FRAS1: variants seen among roughly 807,000 people sequenced by gnomAD.
The protein encoded by FRAS1 is extracellular matrix organizing protein FRAS1.
Under a neutral mutation model 435.2 loss-of-function variants are expected in FRAS1, and 290 were observed. The observed-to-expected ratio is 0.67, with a 90% CI of 0.61 to 0.73. The LOEUF (loss-of-function observed/expected upper bound fraction) is 0.73. FRAS1 is among the 30% of genes least tolerant of loss of function. The pLI is 0.00. For synonymous variants in FRAS1, 1,800 were observed against 1,851.0 expected (o/e 0.97, Z 0.71); for missense variants, 4,860 against 5,001.5 (o/e 0.97, Z 0.85).
Position 78,479,589 on chromosome 4 carries a change from G to A in FRAS1, c.8314G>A (p.Ala2772Thr). 1 of 1,613,974 alleles carries A rather than the reference G, an allele frequency of 6.2e-7. No individual in the cohort carries two copies. Residue 2772 changes from alanine to threonine, a missense_variant, in exon 56 of 74, where the codon GCC (alanine) becomes ACC (threonine). By Grantham distance (58) the Ala-to-Thr change is moderately conservative. Transcript: ENST00000512123. Reference protein sequence around the residue: ...EYEEEEEFEIALADASDNARI... With the variant: ...EYEEEEEFEITLADASDNARI... ...TGAAGAGGAAGAAGAGTTTGAGATT[G>A]CCTTGGCAGATGCCTCTGACAATGC...
chr4:78,438,819 C>T, intron 39 of FRAS1, 83 bp from the exon 40 acceptor site: 5 of 1,492,764 alleles, frequency 3.3e-6, no homozygotes, highest in Non-Finnish European at 4.6e-6. Context: ...ATTGGTTTGG[C>T]CCCATTTTTA....
At chr4:78,195,963 A>G (rs1253399977) in intron 2 of FRAS1, among the ~76,000 whole-genome samples, 2 of 125,858 alleles carry the variant, frequency 1.6e-5, no homozygotes, top group East Asian at 2.3e-4. Context: ...TTTTTTTTTT[A>G]CTTTTTTTTA....
At chr4:78,462,952 G>A (rs185793377) in intron 47 of FRAS1, among the ~76,000 whole-genome samples, 5 of 152,236 alleles carry the variant, frequency 3.3e-5, no homozygotes, top group African/African-American at 1.2e-4. Flanking sequence ...ATGAGTCAAT[G>A]TAGAATCTTT....
intron 23 of FRAS1, 102 bp downstream of exon 23, chr4:78,370,086 A>G (rs1380667401): frequency 9.0e-7 from 1 of 1,107,026 alleles, no homozygotes; most frequent in Non-Finnish European, 1.3e-6. Flanking sequence ...GTCATCATAT[A>G]TTTTGACTGT....
At chr4:78,480,067 C>T (rs969026534) in intron 56 of FRAS1, among the ~76,000 whole-genome samples, 46 of 152,208 alleles carry the variant, frequency 3.0e-4, no homozygotes, top group Middle Eastern at 3.4e-3. Context: ...AGCATTTATC[C>T]TTTGTGTTAT....
intron 19 of FRAS1, among the ~76,000 whole-genome samples, chr4:78,335,901 TG>T (rs1176748448): frequency 1.7e-5 from 2 of 120,402 alleles, no homozygotes; most frequent in African/African-American, 6.2e-5. Context: ...CCGTGTGTGG[TG>T]GTTTTTTTTT....
intron 2 of FRAS1, among the ~76,000 whole-genome samples, chr4:78,212,370 A>T (rs1410337720): frequency 2.0e-5 from 3 of 152,086 alleles, no homozygotes; most frequent in East Asian, 3.9e-4. Flanking sequence ...GAAGATGTGG[A>T]CTATGCATGT....
intron 9 of FRAS1, among the ~76,000 whole-genome samples, chr4:78,269,922 G>A (rs1225708359): frequency 6.6e-6 from 1 of 152,180 alleles, no homozygotes; most frequent in Admixed American, 6.5e-5. Context: ...CTGCTCCAGT[G>A]GAGGCAGTTT....
At chr4:78,240,147 T>C (rs1724939461) in intron 3 of FRAS1, among the ~76,000 whole-genome samples, 1 of 152,142 alleles carries the variant, frequency 6.6e-6, no homozygotes, top group African/African-American at 2.4e-5. Flanking sequence ...TATGCTGTAG[T>C]ATGGAGTTTG....
intron 2 of FRAS1, among the ~76,000 whole-genome samples, chr4:78,159,762 T>A (rs1721057757): frequency 6.6e-6 from 1 of 152,086 alleles, no homozygotes; most frequent in Non-Finnish European, 1.5e-5. Context: ...GTGCCTATAA[T>A]CCCAGCTACT....
At position 78,522,679 on chromosome 4, in the gene FRAS1, CA is replaced by C; in HGVS notation, c.10680del (p.Glu3561LysfsTer2). 1 of 1,608,280 alleles carries C rather than the reference CA, an allele frequency of 6.2e-7. No homozygotes were observed. Among genetic ancestry groups the C allele is most frequent in the Non-Finnish European group, 8.5e-7 (1 of 1,176,984 alleles). ...TTTGTGATGGAGCATCACACTCTCC[CA>C]GAAGTGAAATCTTTCGTATTGACTC... ...GQFVMEHHTL[P>X]EVKSFVLTPD... On this transcript the variant is annotated frameshift_variant, in exon 69 of 74. Transcript: ENST00000512123. LOFTEE classifies it high-confidence loss of function.
intron 29 of FRAS1, 81 bp from the exon 30 acceptor site, chr4:78,400,653 G>C: frequency 7.3e-7 from 1 of 1,375,052 alleles, no homozygotes; most frequent in Non-Finnish European, 1.0e-6. Context: ...AACAACAACA[G>C]AACTGGATAA....
chr4:78,277,929 A>C lies in FRAS1; in HGVS notation c.982-726A>C, dbSNP rs1041292018. On this transcript the variant is annotated intron_variant, in intron 9 of 73. Coordinates refer to ENST00000512123, the MANE Select transcript of FRAS1 (RefSeq NM_025074.7). ...CTGGTTCACACCATTCTCCTGCCTC[A>C]GCCTCCTGAGTAGCTGGGACTACAG... 3.3e-5 allele frequency among the ~76,000 whole-genome samples: 5 copies of C among 151,934 alleles called. No homozygotes were observed. The South Asian group carries it at 1.0e-3, about 32-fold the overall frequency.
rs556250117 is a variant in FRAS1 at position 78,407,293 on chromosome 4, T to C, written c.4130-370T>C. On this transcript the variant is annotated intron_variant, in intron 30 of 73. Coordinates refer to ENST00000512123, the MANE Select transcript of FRAS1 (RefSeq NM_025074.7). ...TTCCTGGCTGGAAAACATTTTCTGTTACATAGAAAGTTGTGCATAGAAATG... is the reference window on the plus strand; with the variant it reads ...TTCCTGGCTGGAAAACATTTTCTGTCACATAGAAAGTTGTGCATAGAAATG... Among the ~76,000 whole-genome samples, 107 of 152,346 alleles carry C rather than the reference T, an allele frequency of 7.0e-4. 1 individual carries two copies. The Middle Eastern group carries it at 0.024, about 34-fold the overall frequency.
At chr4:78,207,793 A>T (rs1030140102) in intron 2 of FRAS1, among the ~76,000 whole-genome samples, 2 of 152,148 alleles carry the variant, frequency 1.3e-5, no homozygotes, top group African/African-American at 4.8e-5. Context: ...TTGCAGGGTG[A>T]GTAAATACAT....
chr4:78,325,152 G>T (rs2110246844), intron 18 of FRAS1, among the ~76,000 whole-genome samples: 1 of 152,270 alleles, frequency 6.6e-6, no homozygotes, highest in Admixed American at 6.5e-5. Context: ...TTTGGTCAGG[G>T]ATTTATCAGG....
intron 27 of FRAS1, among the ~76,000 whole-genome samples, chr4:78,383,705 A>T (rs536015108): frequency 6.6e-6 from 1 of 152,322 alleles, no homozygotes; most frequent in East Asian, 1.9e-4. Context: ...ACTATAAAAG[A>T]TTCCTTTCAA....
chr4:78,331,479 A>G lies in FRAS1; in HGVS notation c.2138-1793A>G, dbSNP rs1729948057. ...GTCATATACCAACCTGCATGGAAGT[A>G]GTTCAATACTTTAACCACCAGTACT... On this transcript the variant is annotated intron_variant, in intron 18 of 73. Transcript: ENST00000512123. Among the ~76,000 whole-genome samples the G allele has an allele frequency of 2.0e-5, 3 of 152,336 alleles. No homozygotes were observed. In the Middle Eastern group the frequency reaches 0.01, roughly 518 times the overall value.
chr4:78,137,023 T>G (rs1372362081), intron 2 of FRAS1, among the ~76,000 whole-genome samples: 1 of 152,246 alleles, frequency 6.6e-6, no homozygotes, highest in Non-Finnish European at 1.5e-5. Flanking sequence ...CTGCACCATC[T>G]GAAACAAATC....
Sources: allele counts gnomAD v4.1 joint callset (sites outside exome capture counted in the v4.1 genomes callset), GRCh38; gene constraint gnomAD v4.1.1; transcripts MANE v1.5; gene names NCBI Gene and HGNC (gene_info 2026-07-23, HGNC 2026-07-21).